Variants in NTRK1 observed in about 807,000 individuals in gnomAD.
The protein encoded by NTRK1 is high affinity nerve growth factor receptor.
NTRK1 carries 62 observed loss-of-function variants against 86.8 expected under a neutral mutation model. The observed-to-expected ratio is 0.71, with a 90% CI of 0.58 to 0.88. The LOEUF is 0.88. NTRK1 is among the 40% of genes least tolerant of loss of function. The pLI, the probability that NTRK1 is intolerant of heterozygous loss-of-function variation, is 0.00. For missense variants in NTRK1, 967 were observed against 1,078.4 expected, an observed-to-expected ratio of 0.90 and a Z score of 1.45; for synonymous variants, 469 against 456.6, an observed-to-expected ratio of 1.03 and a Z score of -0.35.
intron 1 of NTRK1, among the ~76,000 whole-genome samples, chr1:156,817,424 T>A (rs762985280): frequency 1.9e-4 from 29 of 149,032 alleles, no homozygotes; most frequent in Non-Finnish European, 4.4e-5. Flanking sequence ...TCACTATTTT[T>A]AAAATAATAA....
intron 1 of NTRK1, among the ~76,000 whole-genome samples, chr1:156,839,503 G>A (rs34275985): frequency 0.042 from 6,437 of 152,296 alleles, 188 homozygotes; most frequent in Non-Finnish European, 0.068. Flanking sequence ...GCTCTCCTGT[G>A]CAACATCCAC....
At chr1:156,838,680 C>G (rs965509094) in intron 1 of NTRK1, among the ~76,000 whole-genome samples, 2 of 152,212 alleles carry the variant, frequency 1.3e-5, no homozygotes, top group Admixed American at 6.5e-5. Context: ...TCCTAGCATC[C>G]CTACATTCTT....
intron 1 of NTRK1, chr1:156,841,310 G>A (rs746031479): frequency 4.9e-5 from 65 of 1,335,368 alleles, no homozygotes; most frequent in Admixed American, 6.8e-5. Flanking sequence ...AAGCATCAGA[G>A]GAGGTGAGCC....
At position 156,881,532 on chromosome 1, in the gene NTRK1, C is replaced by T. The variant is rs759637817; in HGVS notation, c.2281C>T (p.Arg761Trp). 14 of 1,602,894 alleles carry T rather than the reference C, an allele frequency of 8.7e-6. No homozygotes were observed. Among genetic ancestry groups the T allele is most frequent in the Non-Finnish European group, 1.1e-5 (13 of 1,175,122 alleles). Residue 761 changes from arginine to tryptophan, a missense_variant, in exon 17 of 17, where the codon CGG becomes TGG. Arg to Trp is a moderately radical substitution (Grantham distance 101). This residue lies in a region of NTRK1 where 637 missense variants were observed against 776.5 expected (regional missense o/e 0.82). Coordinates refer to ENST00000524377, the MANE Select transcript of NTRK1 (RefSeq NM_002529.4). The stretch of plus-strand genomic sequence containing the variant: ...CCCACCAGAGGTCTACGCCATCATG[C>T]GGGGCTGCTGGCAGCGGGAGCCCCA... ...ACPPEVYAIM[R>W]GCWQREPQQR...
intron 1 of NTRK1, among the ~76,000 whole-genome samples, chr1:156,837,570 G>A (rs188269547): frequency 3.3e-5 from 5 of 152,282 alleles, no homozygotes; most frequent in Non-Finnish European, 7.4e-5. Context: ...TTTGTCAATC[G>A]ACCTCACAGG....
At chr1:156,841,491 C>T in intron 1 of NTRK1, 1 of 1,613,988 alleles carries the variant, frequency 6.2e-7, no homozygotes, top group Non-Finnish European at 8.5e-7. Context: ...GGTTGTTCTG[C>T]CAGGGTCACA....
intron 2 of NTRK1, chr1:156,844,801 G>A: frequency 6.2e-7 from 1 of 1,614,140 alleles, no homozygotes; most frequent in Non-Finnish European, 8.5e-7. Context: ...GTTCTTGCTG[G>A]AGGCCTCCCA....
intron 1 of NTRK1, chr1:156,841,518 C>A: frequency 6.2e-7 from 1 of 1,614,004 alleles, no homozygotes; most frequent in Non-Finnish European, 8.5e-7. Flanking sequence ...CAGAGTACCA[C>A]GCCAAAGGAC....
chr1:156,823,543 G>A (rs867957495), intron 1 of NTRK1, among the ~76,000 whole-genome samples: 3 of 152,176 alleles, frequency 2.0e-5, no homozygotes, highest in African/African-American at 7.2e-5. Flanking sequence ...CACATGGAGG[G>A]TGCTGCTGGA....
intron 1 of NTRK1, 107 bp downstream of exon 1, chr1:156,861,253 C>A: frequency 3.0e-6 from 4 of 1,329,450 alleles, no homozygotes; most frequent in East Asian, 2.6e-5. Context: ...ACGAGCACGG[C>A]GGAAGGCTGG....
intron 2 of NTRK1, chr1:156,845,747 C>T (rs755447498): frequency 6.2e-7 from 1 of 1,613,684 alleles, no homozygotes; most frequent in South Asian, 1.1e-5. Flanking sequence ...CGGACTCCAT[C>T]TCGGCCTCAG....
In NTRK1 at chr1:156,854,110, G is replaced by A. The variant is rs778760327; in HGVS notation, c.51-10244G>A. ...CTAGGTTGGGGAAGAGGTCGCGCAG[G>A]CTCTCCAGTCCGTAGACACGGAAGA... On this transcript the variant is annotated intron_variant, in intron 2 of 16. Transcript: ENST00000392302. The surrounding 1 kb of genome is among the most constrained non-coding windows in gnomAD (Gnocchi z 4.2). 1.2e-6 allele frequency: 2 copies of A among 1,614,132 alleles called. No individual in the cohort carries two copies.
At chr1:156,845,769 T>C (rs1571661566) in intron 2 of NTRK1, 1 of 1,613,178 alleles carries the variant, frequency 6.2e-7, no homozygotes, top group East Asian at 2.2e-5. Context: ...ATCCCCGTCT[T>C]CGCCGTCGAA....
At chr1:156,843,985 T>C (rs1654892952) in intron 2 of NTRK1, among the ~76,000 whole-genome samples, 1 of 152,276 alleles carries the variant, frequency 6.6e-6, no homozygotes, top group African/African-American at 2.4e-5. Flanking sequence ...ACCAGGAAAG[T>C]CCCAGGCTAA....
At position 156,875,584 on chromosome 1, in the gene NTRK1, C is replaced by T. The variant is rs958721793; in HGVS notation, c.1419C>T (p.Gly473=). The change falls in exon 12 of 17, where the codon GGC becomes GGT. Residue 473 remains glycine, a synonymous_variant. Coordinates refer to ENST00000524377, the MANE Select transcript of NTRK1 (RefSeq NM_002529.4). ...AMSLHFMTLG[G]SSLSPTEGKG... ...CCCTGCATTTCATGACATTGGGTGG[C>T]AGCTCCCTGTCCCCCACCGAGGGCA... 1.2e-6 allele frequency: 2 copies of T among 1,613,784 alleles called. No individual in the cohort carries two copies. Among genetic ancestry groups the T allele is most frequent in the East Asian group, 2.2e-5 (1 of 44,878 alleles).
Position 156,816,934 on chromosome 1 carries a change from TG to T in NTRK1, c.-64+1102del, listed in dbSNP as rs1157369709. On this transcript the variant is annotated intron_variant, in intron 1 of 16. Transcript: ENST00000392302. ...GCTGTAGATAGCGGTGGTATAGCGG[TG>T]GGGGGTATCTGTGTCACTCTGTGTT... The T allele has an allele frequency of 1.9e-5, 8 of 413,616 alleles. No individual in the cohort carries two copies. In the Admixed American group the frequency reaches 2.2e-4, roughly 12 times the overall value. The allele number at this position is 413,616 out of a possible 1,614,324, so 25.6% of individuals were successfully genotyped here.
intron 2 of NTRK1, chr1:156,842,250 G>A: frequency 6.2e-7 from 1 of 1,613,968 alleles, no homozygotes; most frequent in Non-Finnish European, 8.5e-7. Context: ...CCCAATGCTG[G>A]CTGTGGGAGC....
intron 2 of NTRK1, chr1:156,846,123 G>C: frequency 6.3e-7 from 1 of 1,586,816 alleles, no homozygotes; most frequent in Non-Finnish European, 8.6e-7. Context: ...GTGGGAGCTA[G>C]GAGTGCGAGA....
intron 4 of NTRK1, among the ~76,000 whole-genome samples, chr1:156,867,699 C>CG (rs1183065019): frequency 6.7e-6 from 1 of 149,978 alleles, no homozygotes; most frequent in African/African-American, 2.5e-5. Context: ...GACGGAGTCT[C>CG]GCTCTGTCAC....
Sources: gnomAD v4.1 joint callset for allele counts (sites outside exome capture counted in the v4.1 genomes callset) on GRCh38, gnomAD v4.1.1 for gene constraint, gnomAD v4.1.1 regional missense constraint, Gnocchi (gnomAD v3.1) non-coding constraint, MANE v1.5 for transcripts, NCBI Gene and HGNC (gene_info 2026-07-23, HGNC 2026-07-21) for gene names.